PDE7A: variants seen among roughly 807,000 people sequenced by gnomAD.
PDE7A encodes the protein phosphodiesterase 7A, also known as high affinity 3',5'-cyclic-AMP phosphodiesterase 7A.
PDE7A carries 39 observed loss-of-function variants against 64.3 expected under a neutral mutation model. That is an observed-to-expected ratio of 0.61 (90% CI 0.47 to 0.79). The LOEUF (loss-of-function observed/expected upper bound fraction) is 0.79, where lower values mean the gene tolerates loss of function less well. Ranked by LOEUF, PDE7A falls within the 30% of genes least tolerant of loss-of-function variation. PDE7A has a pLI of 0.00. For synonymous variants in PDE7A, 203 were observed against 206.8 expected (o/e 0.98, Z 0.16); for missense variants, 470 against 582.8 (o/e 0.81, Z 1.99).
At chr8:65,815,335 T>C (rs1026926972) in intron 1 of PDE7A, among the ~76,000 whole-genome samples, 1 of 152,190 alleles carries the variant, frequency 6.6e-6, no homozygotes, top group African/African-American at 2.4e-5. Context: ...CAAGGCTCAA[T>C]TACCCTAGCA....
chr8:65,729,998 C>G, intron 7 of PDE7A, among the ~76,000 whole-genome samples: 1 of 151,862 alleles, frequency 6.6e-6, no homozygotes, highest in Middle Eastern at 3.4e-3. Context: ...GGCCATGGAC[C>G]GGTACTGGTC....
At position 65,719,133 on chromosome 8, in the gene PDE7A, A is replaced by G; in HGVS notation, c.*157T>C. On this transcript the variant is annotated 3_prime_UTR_variant, in exon 13 of 13. Coordinates refer to ENST00000401827, the MANE Select transcript of PDE7A (RefSeq NM_001242318.3). ...GTCTTGCAATTAACAAGTGGGTTCA[A>G]ATGATCCAACAGAGGAAATCTTGGA... The G allele has an allele frequency of 3.2e-6, 2 of 616,934 alleles. No individual in the cohort carries two copies. The highest frequency in any genetic ancestry group is 2.9e-6 in the Non-Finnish European group (1 of 346,016). The allele number at this position is 616,934 out of a possible 1,614,324, so 38.2% of individuals were successfully genotyped here.
At chr8:65,788,021 A>G (rs2128925372) in intron 1 of PDE7A, among the ~76,000 whole-genome samples, 1 of 152,338 alleles carries the variant, frequency 6.6e-6, no homozygotes, top group East Asian at 1.9e-4. Context: ...AAGAAGACCA[A>G]GAGATAATTA....
At chr8:65,740,530 A>T (rs1395068192) in intron 5 of PDE7A, among the ~76,000 whole-genome samples, 2 of 152,094 alleles carry the variant, frequency 1.3e-5, no homozygotes, top group Non-Finnish European at 2.9e-5. Flanking sequence ...CCTCCCGAGT[A>T]GCAGGGAGTA....
At chr8:65,833,552 G>A (rs1014030239) in intron 1 of PDE7A, among the ~76,000 whole-genome samples, 2 of 152,162 alleles carry the variant, frequency 1.3e-5, no homozygotes, top group Non-Finnish European at 2.9e-5. Flanking sequence ...GAGCACAACA[G>A]GCCTTTCTGG....
Position 65,747,678 on chromosome 8 carries a change from C to G in PDE7A, c.409G>C (p.Asp137His), listed in dbSNP as rs1304821465. Residue 137 changes from aspartate (D) to histidine (H), a missense_variant, in exon 4 of 13, where the codon GAT becomes CAT. Coordinates refer to ENST00000401827, the MANE Select transcript of PDE7A (RefSeq NM_001242318.3). Reference protein sequence around the residue: ...TAVSNSLNILDDDYNGQAKCM... With the variant: ...TAVSNSLNILHDDYNGQAKCM... ...TTGGCTTGTCCATTATAATCATCAT[C>G]TAAAATGTTTAGGGAATTTGAAACC... The G allele has an allele frequency of 1.9e-6, 3 of 1,609,766 alleles. No homozygotes were observed. Among genetic ancestry groups the G allele is most frequent in the Non-Finnish European group, 2.5e-6 (3 of 1,177,288 alleles).
chr8:65,725,298 C>T, intron 9 of PDE7A: 1 of 158,140 alleles, frequency 6.3e-6, no homozygotes, highest in African/African-American at 2.4e-5. Flanking sequence ...GGGTAAACAA[C>T]TTTGGTTTGC....
chr8:65,818,231 G>A (rs1248262926), intron 1 of PDE7A, among the ~76,000 whole-genome samples: 3 of 151,158 alleles, frequency 2.0e-5, no homozygotes, highest in South Asian at 2.1e-4. Flanking sequence ...TTTTTTCCTC[G>A]TGTATGCGTC....
At chr8:65,760,834 G>C (rs955337457) in intron 3 of PDE7A, among the ~76,000 whole-genome samples, 5 of 152,116 alleles carry the variant, frequency 3.3e-5, no homozygotes, top group African/African-American at 1.2e-4. Flanking sequence ...TCTGTCAGCA[G>C]GTTAGCGAAA....
At chr8:65,806,706 G>A (rs542256546) in intron 1 of PDE7A, among the ~76,000 whole-genome samples, 2 of 152,182 alleles carry the variant, frequency 1.3e-5, no homozygotes, top group South Asian at 2.1e-4. Flanking sequence ...TGGGCTCTGC[G>A]CTGGCCTTCA....
At chr8:65,827,271 T>C (rs922510972) in intron 1 of PDE7A, among the ~76,000 whole-genome samples, 1 of 152,236 alleles carries the variant, frequency 6.6e-6, no homozygotes, top group Non-Finnish European at 1.5e-5. Context: ...GTGTGTCCTT[T>C]AACCTCTCTT....
chr8:65,729,857 C>A (rs1301203278), intron 7 of PDE7A, among the ~76,000 whole-genome samples: 1 of 152,080 alleles, frequency 6.6e-6, no homozygotes, highest in Non-Finnish European at 1.5e-5. Context: ...GCATAAGCCA[C>A]CATGCCCTGC....
chr8:65,720,934 T>C (rs2129063808), intron 12 of PDE7A, among the ~76,000 whole-genome samples: 1 of 152,278 alleles, frequency 6.6e-6, no homozygotes, highest in East Asian at 1.9e-4. Context: ...TTATTATAGG[T>C]TTCATACCAT....
rs1806091060 is a variant in PDE7A at position 65,715,376 on chromosome 8, A to AAAGTTTTTTTTTTTTTTTTGAG, written c.*3892_*3913dup. On this transcript the variant is annotated 3_prime_UTR_variant, in exon 13 of 13. Transcript: ENST00000401827. ...CAAAGAGAGACCCTGTCTCTATAAA[A>AAAGTTTTTTTTTTTTTTTTGAG]AAGTTTTTTTTTTTTTTTTGAGACA... is the stretch of plus-strand genomic sequence containing the variant. Among the ~76,000 whole-genome samples, 1 of 151,322 alleles carries AAAGTTTTTTTTTTTTTTTTGAG rather than the reference A, an allele frequency of 6.6e-6. No individual in the cohort carries two copies. Among genetic ancestry groups the AAAGTTTTTTTTTTTTTTTTGAG allele is most frequent in the African/African-American group, 2.4e-5 (1 of 41,090 alleles).
intron 3 of PDE7A, among the ~76,000 whole-genome samples, chr8:65,772,732 G>A (rs1032099450): frequency 1.1e-4 from 17 of 152,202 alleles, no homozygotes; most frequent in African/African-American, 3.6e-4. Flanking sequence ...GGCCAGGTGC[G>A]GTGGTTCATG....
rs747011365 is a variant in PDE7A at position 65,738,161 on chromosome 8, AC to A, written c.595+1340del. On this transcript the variant is annotated intron_variant, in intron 6 of 12. Transcript: ENST00000401827. ...AATAGCATTATGTCTTTAAAAAAAAACGATGTATACACCTTAATTTAAAAGA... is the reference window on the plus strand; with the variant it reads ...AATAGCATTATGTCTTTAAAAAAAAAGATGTATACACCTTAATTTAAAAGA... Among the ~76,000 whole-genome samples the A allele has an allele frequency of 3.4e-4, 52 of 151,600 alleles. 1 individual carries two copies. The highest frequency in any genetic ancestry group is 1.7e-3 in the South Asian group (8 of 4,822).
chr8:65,772,140 G>A (rs1170915638), intron 3 of PDE7A, among the ~76,000 whole-genome samples: 1 of 152,042 alleles, frequency 6.6e-6, no homozygotes, highest in Non-Finnish European at 1.5e-5. Context: ...TTTACAACAG[G>A]GAAATTAACA....
chr8:65,777,411 T>C (rs909034783), intron 3 of PDE7A, among the ~76,000 whole-genome samples: 14 of 152,066 alleles, frequency 9.2e-5, no homozygotes, highest in African/African-American at 3.1e-4. Context: ...TTACACTGAT[T>C]GATTTTTCAC....
At chr8:65,836,086 T>C (rs370670419) in intron 1 of PDE7A, among the ~76,000 whole-genome samples, 1 of 152,218 alleles carries the variant, frequency 6.6e-6, no homozygotes, top group East Asian at 1.9e-4. Context: ...ACAGGTGTTT[T>C]GAGAATACAC....
Sources: gnomAD v4.1 joint callset for allele counts (sites outside exome capture counted in the v4.1 genomes callset) on GRCh38, gnomAD v4.1.1 for gene constraint, MANE v1.5 for transcripts, NCBI Gene and HGNC (gene_info 2026-07-23, HGNC 2026-07-21) for gene names.